The following KIAA1549 variants were observed in gnomAD, a reference collection of about 807,000 sequenced individuals.
The protein encoded by KIAA1549 is UPF0606 protein KIAA1549.
Under a neutral mutation model 156.4 loss-of-function variants are expected in KIAA1549, and 70 were observed. That is an observed-to-expected ratio of 0.45 (90% CI 0.37 to 0.55). The LOEUF (loss-of-function observed/expected upper bound fraction) is 0.55. KIAA1549 is among the 20% of genes least tolerant of loss of function. The pLI is 0.00. For missense variants in KIAA1549, 2,428 were observed against 2,540.9 expected (o/e 0.96, Z 0.96); for synonymous variants, 1,103 against 1,066.4 (o/e 1.03, Z -0.67).
At chr7:138,903,895 A>C (rs1811934517) in intron 7 of KIAA1549, among the ~76,000 whole-genome samples, 159 bp from the exon 8 acceptor site, 1 of 149,132 alleles carries the variant, frequency 6.7e-6, no homozygotes, top group African/African-American at 2.5e-5. Flanking sequence ...AATTAATGCA[A>C]GATTGCCATA....
chr7:138,888,279 C>A (rs1041276470), intron 10 of KIAA1549, among the ~76,000 whole-genome samples: 1 of 152,226 alleles, frequency 6.6e-6, no homozygotes, highest in Non-Finnish European at 1.5e-5. Context: ...AAAATTACAA[C>A]TTCAAAAGAA....
At chr7:138,970,519 A>G (rs1029872230) in intron 1 of KIAA1549, among the ~76,000 whole-genome samples, 2 of 152,200 alleles carry the variant, frequency 1.3e-5, no homozygotes, top group Non-Finnish European at 2.9e-5. Flanking sequence ...ACAATCTTTG[A>G]AGTACACCCA....
At chr7:138,872,877 C>T (rs111882800) in intron 12 of KIAA1549, among the ~76,000 whole-genome samples, 94 of 152,322 alleles carry the variant, frequency 6.2e-4, no homozygotes, top group African/African-American at 2.3e-3. Context: ...ACATTCCAGC[C>T]TGGGTGACAG....
Position 138,917,922 on chromosome 7 carries a change from T to A in KIAA1549, c.1704A>T (p.Ser568=), listed in dbSNP as rs755986683. 3.0e-5 allele frequency: 48 copies of A among 1,598,752 alleles called. No individual in the cohort carries two copies. In the South Asian group the frequency reaches 5.0e-4, roughly 17 times the overall value. ...FSVITSILLD[S]SFSVIANKNT... ...TTTTGTTTGCTATGACAGAGAAAGATGAGTCAAGGAGAATGCTGGTGATGA... is the reference window on the plus strand; with the variant it reads ...TTTTGTTTGCTATGACAGAGAAAGAAGAGTCAAGGAGAATGCTGGTGATGA... The change falls in exon 2 of 20, where the codon TCA becomes TCT. Residue 568 remains serine, a synonymous_variant. Coordinates refer to ENST00000422774, the MANE Select transcript of KIAA1549 (RefSeq NM_001164665.2).
intron 5 of KIAA1549, among the ~76,000 whole-genome samples, chr7:138,907,563 C>T (rs563854180): frequency 6.6e-6 from 1 of 152,304 alleles, no homozygotes; most frequent in Admixed American, 6.5e-5. Context: ...AGGAGGGGCT[C>T]TGTGGCAGAG....
intron 1 of KIAA1549, among the ~76,000 whole-genome samples, chr7:138,920,016 T>C (rs1176587715): frequency 6.6e-6 from 1 of 152,176 alleles, no homozygotes; most frequent in Non-Finnish European, 1.5e-5. Flanking sequence ...GGCTTCCACA[T>C]GAAGGCCCCA....
chr7:138,943,468 C>A (rs1443413908), intron 1 of KIAA1549, among the ~76,000 whole-genome samples: 2 of 152,262 alleles, frequency 1.3e-5, no homozygotes, highest in East Asian at 1.9e-4. Context: ...TTATAATTGA[C>A]AAAATAAGCT....
intron 19 of KIAA1549, 96 bp from the exon 20 acceptor site, chr7:138,838,256 C>T (rs1483684732): frequency 1.4e-5 from 18 of 1,286,596 alleles, no homozygotes; most frequent in South Asian, 6.4e-5. Flanking sequence ...GGACTGCCCA[C>T]GTCCATCCAC....
At chr7:138,919,485 C>T in intron 1 of KIAA1549, 47 bp from the exon 2 acceptor site, 1 of 1,571,620 alleles carries the variant, frequency 6.4e-7, no homozygotes, top group South Asian at 1.2e-5. Context: ...TTGGAAGTCA[C>T]ACAGCTAACG....
chr7:138,901,316 C>A (rs968561588), intron 8 of KIAA1549, among the ~76,000 whole-genome samples: 1 of 148,308 alleles, frequency 6.7e-6, no homozygotes, highest in Non-Finnish European at 1.5e-5. Context: ...TGTAGCCTCT[C>A]TTGAGTTTTA....
intron 1 of KIAA1549, among the ~76,000 whole-genome samples, chr7:138,957,091 T>G (rs1397713788): frequency 6.6e-6 from 1 of 152,210 alleles, no homozygotes; most frequent in Non-Finnish European, 1.5e-5. Flanking sequence ...GAGAAGTGCA[T>G]TCCACGCAGA....
At position 138,963,896 on chromosome 7, in the gene KIAA1549, G is replaced by C. The variant is rs138932456; in HGVS notation, c.187+17187C>G. ...ATCAAAACCACAAGGAAATGATCCA[G>C]GACGTGATAAAAGAGGAAATGCGGC... On this transcript the variant is annotated intron_variant, in intron 1 of 19. Coordinates refer to ENST00000422774, the MANE Select transcript of KIAA1549 (RefSeq NM_001164665.2). 6.8e-4 allele frequency among the ~76,000 whole-genome samples: 103 copies of C among 152,244 alleles called. No individual in the cohort carries two copies. In the East Asian group the frequency reaches 0.014, roughly 21 times the overall value.
At position 138,903,597 on chromosome 7, in the gene KIAA1549, A is replaced by T; in HGVS notation, c.3660T>A (p.Ser1220Arg). The T allele has an allele frequency of 6.2e-7, 1 of 1,613,654 alleles. No individual in the cohort carries two copies. The highest frequency in any genetic ancestry group is 8.5e-7 in the Non-Finnish European group (1 of 1,179,858). ...CTTTGATGTGGAGTACCTGCACCACACTGTTCCCTGCAGCTACAGTGGCCC... is the reference window on the plus strand; with the variant it reads ...CTTTGATGTGGAGTACCTGCACCACTCTGTTCCCTGCAGCTACAGTGGCCC... ...WRRATVAAGN[S>R]VVQVVNVSRL... The change falls in exon 8 of 20, where the codon AGT becomes AGA. Residue 1220 changes from serine to arginine, a missense_variant. Ser to Arg is a moderately radical substitution (Grantham distance 110, BLOSUM62 -1). Coordinates refer to ENST00000422774, the MANE Select transcript of KIAA1549 (RefSeq NM_001164665.2).
chr7:138,968,883 C>T (rs1194751982), intron 1 of KIAA1549, among the ~76,000 whole-genome samples: 1 of 149,902 alleles, frequency 6.7e-6, no homozygotes, highest in Non-Finnish European at 1.5e-5. Context: ...AAAAAAAACA[C>T]CTTGTGCTCC....
intron 18 of KIAA1549, among the ~76,000 whole-genome samples, chr7:138,843,873 T>C (rs1809991188): frequency 6.6e-6 from 1 of 152,240 alleles, no homozygotes. Context: ...CCACCAATTA[T>C]TGCAAATTTG....
chr7:138,965,185 G>T (rs75235858), intron 1 of KIAA1549, among the ~76,000 whole-genome samples: 6,403 of 152,160 alleles, frequency 0.042, 457 homozygotes, highest in African/African-American at 0.15. Context: ...AGCAGAGACC[G>T]GAAGGAAGGG....
At chr7:138,944,057 C>T (rs549415361) in intron 1 of KIAA1549, among the ~76,000 whole-genome samples, 81 of 150,304 alleles carry the variant, frequency 5.4e-4, no homozygotes, top group African/African-American at 2.0e-3. Flanking sequence ...TGGGATTACA[C>T]TGAGCGGGCC....
In KIAA1549 at chr7:138,918,481, A is replaced by G; in HGVS notation, c.1145T>C (p.Phe382Ser). The change falls in exon 2 of 20, where the codon TTT (phenylalanine) becomes TCT (serine). Residue 382 changes from phenylalanine (F) to serine (S), a missense_variant. Around this residue, in one of 5 missense-constraint regions of KIAA1549, gnomAD observed 893 missense variants for 847.9 expected, o/e 1.05. Transcript: ENST00000422774. The surrounding 1 kb of genome is among the most constrained non-coding windows in gnomAD (Gnocchi z 4.2). Reference protein sequence around the residue: ...ASPTDVSSNPFLPSDSSKTSE... With the variant: ...ASPTDVSSNPSLPSDSSKTSE... ...TGTTTTGCTGGAGTCGCTAGGGAGA[A>G]AGGGGTTAGATGAAACATCAGTTGG... 6.2e-7 allele frequency: 1 copy of G among 1,613,996 alleles called. No individual in the cohort carries two copies. Among genetic ancestry groups the G allele is most frequent in the Non-Finnish European group, 8.5e-7 (1 of 1,179,892 alleles).
intron 10 of KIAA1549, among the ~76,000 whole-genome samples, chr7:138,890,465 G>A (rs1410525251): frequency 6.6e-6 from 1 of 152,206 alleles, no homozygotes; most frequent in Admixed American, 6.5e-5. Flanking sequence ...CTTCCATTTA[G>A]GAAGTGGAGA....
Sources: allele counts gnomAD v4.1 joint callset (sites outside exome capture counted in the v4.1 genomes callset), GRCh38; gene constraint gnomAD v4.1.1; regional missense constraint gnomAD v4.1.1; non-coding constraint Gnocchi (gnomAD v3.1); transcripts MANE v1.5; gene names NCBI Gene and HGNC (gene_info 2026-07-23, HGNC 2026-07-21).